Variants in SYNE2 observed in about 807,000 individuals in gnomAD.
The protein encoded by SYNE2 is spectrin repeat containing nuclear envelope protein 2.
Under a neutral mutation model 856.3 loss-of-function variants are expected in SYNE2, and 431 were observed. The ratio of observed to expected loss-of-function variants is 0.50; its 90% confidence interval spans 0.47 to 0.55. SYNE2 has a LOEUF of 0.55. Ranked by LOEUF, SYNE2 falls within the 20% of genes least tolerant of loss-of-function variation. The pLI, the probability that SYNE2 is intolerant of heterozygous loss-of-function variation, is 0.00. For synonymous variants in SYNE2, 2,923 were observed against 2,872.3 expected (o/e 1.02, Z -0.56); for missense variants, 8,129 against 8,023.2 (o/e 1.01, Z -0.50).
At chr14:63,958,766 G>C (rs1168375544) in intron 8 of SYNE2, among the ~76,000 whole-genome samples, 3 of 127,570 alleles carry the variant, frequency 2.4e-5, no homozygotes, top group Non-Finnish European at 5.1e-5. Context: ...AGATTTGTCT[G>C]TTCTCCCCCA....
chr14:63,940,664 C>T lies in SYNE2; in HGVS notation c.130C>T (p.Gln44Ter), dbSNP rs747792405. The T allele has an allele frequency of 1.9e-6, 3 of 1,614,084 alleles. No homozygotes were observed. The highest frequency in any genetic ancestry group is 3.3e-5 in the Admixed American group (2 of 60,014). Reference protein sequence around the residue: ...KKAFTCWINSQLARHTSPSVI... With the variant: ...KKAFTCWINS ...AGCCTTCACGTGCTGGATAAACTCA[C>T]AGTTGGCCAGGGTAAGCAAATGAAG... Residue 44 changes from glutamine to a stop codon, truncating the protein, a stop_gained, in exon 3 of 116, where the codon CAG (glutamine) becomes TAG (stop). Coordinates refer to ENST00000555002, the MANE Select transcript of SYNE2 (RefSeq NM_182914.3). LOFTEE classifies it high-confidence loss of function.
chr14:64,115,151 C>T (rs112828195), intron 66 of SYNE2, among the ~76,000 whole-genome samples: 1 of 152,204 alleles, frequency 6.6e-6, no homozygotes, highest in Admixed American at 6.6e-5. Context: ...TATGCCAACT[C>T]GTTGATTATC....
At chr14:64,095,100 A>G (rs2097665723) in intron 61 of SYNE2, 1 of 170,422 alleles carries the variant, frequency 5.9e-6, no homozygotes, top group Non-Finnish European at 1.5e-5. Flanking sequence ...AACCGCGATT[A>G]CTTTTGCACC....
chr14:64,094,255 A>G (rs886458365), intron 61 of SYNE2, among the ~76,000 whole-genome samples: 1 of 151,826 alleles, frequency 6.6e-6, no homozygotes, highest in Non-Finnish European at 1.5e-5. Context: ...AATGGAGTGA[A>G]CCTGGGAGGC....
At chr14:64,028,595 G>C (rs573712465) in intron 43 of SYNE2, among the ~76,000 whole-genome samples, 106 of 152,148 alleles carry the variant, frequency 7.0e-4, no homozygotes, top group African/African-American at 2.4e-3. Flanking sequence ...AACTCTCAAG[G>C]ATGGAGGAAT....
At position 64,221,680 on chromosome 14, in the gene SYNE2, C is replaced by T; in HGVS notation, c.20166C>T (p.Leu6722=). The change falls in exon 112 of 116, where the codon CTC becomes CTT. Residue 6722 remains leucine, a synonymous_variant. Transcript: ENST00000555002. ...ATCCAAAGGCAGACCCCCGGGCTCTCCTAGAGTGTCGGAGGGAACTAATGG... is the reference window on the plus strand; with the variant it reads ...ATCCAAAGGCAGACCCCCGGGCTCTTCTAGAGTGTCGGAGGGAACTAATGG... ...VTDPKADPRA[L]LECRRELMQL... is the part of the protein sequence containing the mutation. 6.2e-7 allele frequency: 1 copy of T among 1,614,126 alleles called. No homozygotes were observed. Among genetic ancestry groups the T allele is most frequent in the Non-Finnish European group, 8.5e-7 (1 of 1,180,014 alleles).
intron 1 of SYNE2, among the ~76,000 whole-genome samples, chr14:63,898,027 T>TC (rs2095281636): frequency 6.6e-6 from 1 of 152,236 alleles, no homozygotes; most frequent in African/African-American, 2.4e-5. Flanking sequence ...CATGAGCTGC[T>TC]TTATGTTCAA....
At chr14:64,045,657 A>G (rs919651257) in intron 45 of SYNE2, among the ~76,000 whole-genome samples, 35 of 152,146 alleles carry the variant, frequency 2.3e-4, no homozygotes, top group Admixed American at 5.9e-4. Context: ...GCCTGAATAC[A>G]TTGTTGGAAC....
At chr14:63,801,152 G>A (rs538524846) in intron 1 of SYNE2, among the ~76,000 whole-genome samples, 144 of 152,236 alleles carry the variant, frequency 9.5e-4, no homozygotes, top group Middle Eastern at 3.4e-3. Flanking sequence ...AGCACAGTGG[G>A]ATTCTTGCAG....
chr14:64,103,500 C>A (rs534582516), intron 64 of SYNE2, among the ~76,000 whole-genome samples: 1 of 152,112 alleles, frequency 6.6e-6, no homozygotes, highest in African/African-American at 2.4e-5. Context: ...GTGAAAACTA[C>A]GTGCTTCCTT....
chr14:64,103,090 G>A (rs1304762362), intron 64 of SYNE2, among the ~76,000 whole-genome samples: 1 of 152,090 alleles, frequency 6.6e-6, no homozygotes, highest in Non-Finnish European at 1.5e-5. Flanking sequence ...CTTGGCTACC[G>A]TGAATCTTTG....
At chr14:64,083,796 A>G (rs1332958147) in intron 57 of SYNE2, among the ~76,000 whole-genome samples, 5 of 152,242 alleles carry the variant, frequency 3.3e-5, no homozygotes, top group Admixed American at 2.6e-4. Flanking sequence ...TAATTGCACT[A>G]TACCCTTCTA....
chr14:63,901,832 G>A (rs1368643618), intron 1 of SYNE2, among the ~76,000 whole-genome samples: 4 of 152,148 alleles, frequency 2.6e-5, no homozygotes, highest in African/African-American at 9.7e-5. Flanking sequence ...GACGAGGTGG[G>A]AGGATGACTT....
At chr14:64,135,820 G>A (rs1279296279) in intron 78 of SYNE2, among the ~76,000 whole-genome samples, 3 of 152,168 alleles carry the variant, frequency 2.0e-5, no homozygotes, top group Non-Finnish European at 4.4e-5. Context: ...GCCATTCTCA[G>A]TTCAGAATCA....
Position 64,025,295 on chromosome 14 carries a change from G to A in SYNE2, c.6126G>A (p.Glu2042=), listed in dbSNP as rs543769547. 3.1e-6 allele frequency: 5 copies of A among 1,614,074 alleles called. No individual in the cohort carries two copies. The highest frequency in any genetic ancestry group is 2.2e-5 in the East Asian group (1 of 44,864). Reference sequence around the variant, plus strand: ...AAGAGGATAAGTTACTACCCACAGAGGACCAGAGCTTTAATGATCTTGCAC... The same window carrying A: ...AAGAGGATAAGTTACTACCCACAGAAGACCAGAGCTTTAATGATCTTGCAC... The part of the protein sequence containing the change: ...IEEEDKLLPT[E]DQSFNDLAHD... The change falls in exon 41 of 116, where the codon GAG becomes GAA. Residue 2042 remains glutamate (E), a synonymous_variant. Transcript: ENST00000555002.
At chr14:63,960,723 C>T (rs779360188) in intron 8 of SYNE2, 2 of 762,380 alleles carry the variant, frequency 2.6e-6, no homozygotes, top group East Asian at 4.9e-5. Context: ...TTATGATCTC[C>T]TTCACTTATT....
At chr14:64,164,609 A>G (rs544509813) in intron 89 of SYNE2, among the ~76,000 whole-genome samples, 1 of 152,302 alleles carries the variant, frequency 6.6e-6, no homozygotes, top group East Asian at 1.9e-4. Flanking sequence ...ACAGAAGGCC[A>G]TGGAGTTGCA....
At chr14:64,102,903 A>G (rs1418693986) in intron 64 of SYNE2, among the ~76,000 whole-genome samples, 1 of 151,962 alleles carries the variant, frequency 6.6e-6, no homozygotes, top group Non-Finnish European at 1.5e-5. Flanking sequence ...ATCATACAGT[A>G]TTTATCATTC....
At chr14:63,860,263 AC>A (rs1202494975) in intron 1 of SYNE2, among the ~76,000 whole-genome samples, 2 of 148,332 alleles carry the variant, frequency 1.3e-5, no homozygotes, top group African/African-American at 5.3e-5. Context: ...TATTCAGAGC[AC>A]CTGCACTTGG....
Sources: allele counts gnomAD v4.1 joint callset (sites outside exome capture counted in the v4.1 genomes callset), GRCh38; gene constraint gnomAD v4.1.1; transcripts MANE v1.5; gene names NCBI Gene and HGNC (gene_info 2026-07-23, HGNC 2026-07-21).